Variants in POC1A observed in about 807,000 individuals in gnomAD.
The protein encoded by POC1A is POC1 centriolar protein homolog A.
In POC1A, 34 loss-of-function variants were observed where a neutral mutation model predicts 47.8. The ratio of observed to expected loss-of-function variants is 0.71; its 90% confidence interval spans 0.54 to 0.95. POC1A has a LOEUF of 0.95. Among genes scored for constraint, POC1A ranks in the 40% least tolerant of loss-of-function variants. The pLI, the probability that POC1A is intolerant of heterozygous loss-of-function variation, is 0.00. For missense variants in POC1A, 466 were observed against 528.3 expected (o/e 0.88, Z 1.16); for synonymous variants, 177 against 207.6 (o/e 0.85, Z 1.27).
At chr3:52,110,923 C>T (rs1042261666) in intron 9 of POC1A, among the ~76,000 whole-genome samples, 1 of 152,212 alleles carries the variant, frequency 6.6e-6, no homozygotes, top group Non-Finnish European at 1.5e-5. Flanking sequence ...CTGGAACTCT[C>T]GAAAGAGATA....
chr3:52,149,084 G>A (rs1698465113), intron 4 of POC1A, 126 bp downstream of exon 4: 2 of 705,048 alleles, frequency 2.8e-6, no homozygotes, highest in Admixed American at 5.1e-5. Context: ...AGGAAACCGA[G>A]GCTGAGGAAG....
chr3:52,147,214 G>A lies in POC1A; in HGVS notation c.456-119C>T, dbSNP rs944625991. On this transcript the variant is annotated intron_variant, in intron 4 of 10. Transcript: ENST00000296484. ...CTATCTGCCTGCAGGAACCACCCGG[G>A]GTCACATGCCCTGCTGTGATTTTTT... 7.0e-6 allele frequency: 5 copies of A among 714,862 alleles called. No individual in the cohort carries two copies. The East Asian group carries it at 8.1e-5, about 12-fold the overall frequency. 44.3% of individuals were successfully genotyped at this position (714,862 alleles called of 1,614,324 possible). A position where few individuals can be genotyped will look rare whatever the true frequency, so the allele number is the denominator to read the frequency against.
chr3:52,147,220 A>AGCAGGGCATG, intron 4 of POC1A, 125 bp from the exon 5 acceptor site: 1 of 671,232 alleles, frequency 1.5e-6, no homozygotes, highest in Non-Finnish European at 2.6e-6. Context: ...CCGGGGTCAC[A>AGCAGGGCATG]TGCCCTGCTG....
intron 6 of POC1A, among the ~76,000 whole-genome samples, chr3:52,142,796 A>G (rs1698240494): frequency 6.6e-6 from 1 of 152,096 alleles, no homozygotes; most frequent in African/African-American, 2.4e-5. Flanking sequence ...TGAGCCTCCA[A>G]AGAGATTCCA....
At chr3:52,097,301 A>T (rs1012179174) in intron 9 of POC1A, among the ~76,000 whole-genome samples, 4 of 152,198 alleles carry the variant, frequency 2.6e-5, no homozygotes, top group Non-Finnish European at 5.9e-5. Context: ...GGAAAAACAA[A>T]GATTTCTGTG....
intron 8 of POC1A, among the ~76,000 whole-genome samples, chr3:52,124,682 C>T (rs923123884): frequency 6.6e-6 from 1 of 152,142 alleles, no homozygotes; most frequent in African/African-American, 2.4e-5. Flanking sequence ...GGCCTCATCT[C>T]CCACATGGAG....
intron 2 of POC1A, among the ~76,000 whole-genome samples, chr3:52,150,810 C>A (rs1652493379): frequency 2.6e-5 from 4 of 152,162 alleles, no homozygotes; most frequent in Admixed American, 2.6e-4. Flanking sequence ...AGGCCCCTAA[C>A]CTCTCTGACC....
chr3:52,110,470 T>C (rs776126091), intron 9 of POC1A, among the ~76,000 whole-genome samples: 1 of 152,216 alleles, frequency 6.6e-6, no homozygotes, highest in African/African-American at 2.4e-5. Context: ...ATTTATTTCA[T>C]TTTCAGGTTT....
chr3:52,125,099 T>TA lies in POC1A; in HGVS notation c.882+13dup, dbSNP rs749533563. On this transcript the variant is annotated intron_variant, in intron 8 of 10. Transcript: ENST00000296484. ...TCCCTTCTTCACCATTCCATTCGAC[T>TA]ACTCTTTACTTACTTGTTCATCAGA... 6.3e-7 allele frequency: 1 copy of TA among 1,585,864 alleles called. No homozygotes were observed. The highest frequency in any genetic ancestry group is 2.2e-5 in the East Asian group (1 of 44,750).
At chr3:52,140,637 G>T (rs934804515) in intron 6 of POC1A, among the ~76,000 whole-genome samples, 1 of 152,220 alleles carries the variant, frequency 6.6e-6, no homozygotes, top group Admixed American at 6.5e-5. Context: ...CCCAAGCCTG[G>T]ATAGAAACAC....
At chr3:52,092,019 G>A (rs1465724798) in intron 10 of POC1A, among the ~76,000 whole-genome samples, 4 of 152,202 alleles carry the variant, frequency 2.6e-5, no homozygotes, top group Admixed American at 6.5e-5. Context: ...AACTCAAGGA[G>A]GAACAGTTGC....
rs1286891753 is a variant in POC1A, at chr3:52,149,802, A to G, written c.275+14T>C. The G allele has an allele frequency of 8.1e-6, 13 of 1,608,692 alleles. No homozygotes were observed. In the South Asian group the frequency reaches 1.3e-4, roughly 16 times the overall value. On this transcript the variant is annotated intron_variant, in intron 3 of 10. Coordinates refer to ENST00000296484, the MANE Select transcript of POC1A (RefSeq NM_015426.5). ...CCCAGACTCCAACAAGCCTCCTCAAAGTGTACGACTCACACATTGGGTACC... is the reference window on the plus strand; with the variant it reads ...CCCAGACTCCAACAAGCCTCCTCAAGGTGTACGACTCACACATTGGGTACC...
intron 10 of POC1A, among the ~76,000 whole-genome samples, 170 bp downstream of exon 10, chr3:52,096,399 G>A (rs1702814559): frequency 6.6e-6 from 1 of 152,258 alleles, no homozygotes; most frequent in Non-Finnish European, 1.5e-5. Flanking sequence ...ATGGCTCCAA[G>A]AGCCAGGATC....
chr3:52,082,466 A>C (rs1702331057), intron 10 of POC1A, among the ~76,000 whole-genome samples: 2 of 152,174 alleles, frequency 1.3e-5, no homozygotes. Flanking sequence ...AGCTCGGACC[A>C]GGTGGTAGGG....
intron 5 of POC1A, 29 bp from the exon 6 acceptor site, chr3:52,145,990 T>C (rs773218803): frequency 8.0e-6 from 11 of 1,376,822 alleles, no homozygotes; most frequent in Middle Eastern, 3.5e-4. Context: ...CTATGCACTA[T>C]AGGAGGTCTG....
chr3:52,089,998 A>G (rs1702592866), intron 10 of POC1A, among the ~76,000 whole-genome samples: 2 of 152,114 alleles, frequency 1.3e-5, no homozygotes, highest in Non-Finnish European at 2.9e-5. Flanking sequence ...AGGTATCTCA[A>G]AGCAAATAGG....
chr3:52,138,082 C>G, intron 7 of POC1A, 87 bp downstream of exon 7: 2 of 1,434,728 alleles, frequency 1.4e-6, no homozygotes, highest in Non-Finnish European at 1.9e-6. Flanking sequence ...GTGTGGGTGA[C>G]AAGCCTGTTT....
chr3:52,094,916 G>T (rs937027411), intron 10 of POC1A, among the ~76,000 whole-genome samples: 1 of 152,202 alleles, frequency 6.6e-6, no homozygotes, highest in Non-Finnish European at 1.5e-5. Flanking sequence ...TCTCTGCGAT[G>T]CAAGTTTTTT....
chr3:52,096,017 T>C (rs1702802037), intron 10 of POC1A, among the ~76,000 whole-genome samples: 1 of 152,274 alleles, frequency 6.6e-6, no homozygotes. Context: ...GGGCCAGGCA[T>C]GGGCCAAACA....
Sources: allele counts gnomAD v4.1 joint callset (sites outside exome capture counted in the v4.1 genomes callset), GRCh38; gene constraint gnomAD v4.1.1; transcripts MANE v1.5; gene names NCBI Gene and HGNC (gene_info 2026-07-23, HGNC 2026-07-21).